PLXDC2: variants seen among roughly 807,000 people sequenced by gnomAD.
PLXDC2 encodes the protein plexin domain-containing protein 2.
In PLXDC2, 40 loss-of-function variants were observed where a neutral mutation model predicts 68.9. The ratio of observed to expected loss-of-function variants is 0.58; its 90% confidence interval spans 0.45 to 0.76. PLXDC2 has a LOEUF of 0.76. Ranked by LOEUF, PLXDC2 falls within the 30% of genes least tolerant of loss-of-function variation. The probability of loss-of-function intolerance (pLI) is 0.00; values close to 1 mark genes in which losing one functional copy is unlikely to be tolerated. For missense variants in PLXDC2, 644 were observed against 661.9 expected, an observed-to-expected ratio of 0.97 and a Z score of 0.30; for synonymous variants, 243 against 234.2, an observed-to-expected ratio of 1.04 and a Z score of -0.34.
intron 1 of PLXDC2, among the ~76,000 whole-genome samples, chr10:19,910,168 TTATATA>T (rs3043811): frequency 0.32 from 46,364 of 145,090 alleles, 7,769 homozygotes; most frequent in African/African-American, 0.44. Context: ...TTGTACACTT[TTATATA>T]TATATATATA....
chr10:20,163,131 T>C (rs565588989), intron 6 of PLXDC2, among the ~76,000 whole-genome samples: 2 of 152,262 alleles, frequency 1.3e-5, no homozygotes, highest in Non-Finnish European at 2.9e-5. Context: ...TTTGTGTGTT[T>C]CTGTTATCCA....
chr10:20,219,980 A>T (rs1221205914), intron 12 of PLXDC2, among the ~76,000 whole-genome samples: 1 of 152,196 alleles, frequency 6.6e-6, no homozygotes, highest in Admixed American at 6.5e-5. Context: ...AGCTTAGGTT[A>T]AGTAGCTAGT....
At position 20,045,320 on chromosome 10, in the gene PLXDC2, G is replaced by A. The variant is rs182970126; in HGVS notation, c.325-1549G>A. ...CAAGTAGCTGGGATTACAAGCACCCGCCACTGCACCCGGCTAATTTTTGTA... is the reference window on the plus strand; with the variant it reads ...CAAGTAGCTGGGATTACAAGCACCCACCACTGCACCCGGCTAATTTTTGTA... On this transcript the variant is annotated intron_variant, in intron 2 of 13. Transcript: ENST00000377252. 2.1e-3 allele frequency among the ~76,000 whole-genome samples: 324 copies of A among 152,138 alleles called. 1 individual carries two copies. The highest frequency in any genetic ancestry group is 2.9e-3 in the Non-Finnish European group (198 of 67,982).
At chr10:20,261,310 T>A in intron 13 of PLXDC2, among the ~76,000 whole-genome samples, 1 of 152,204 alleles carries the variant, frequency 6.6e-6, no homozygotes, top group East Asian at 1.9e-4. Context: ...TTCTAGGAAT[T>A]TGATGGCTTC....
chr10:20,125,618 G>C (rs115348050), intron 4 of PLXDC2, among the ~76,000 whole-genome samples: 70 of 152,292 alleles, frequency 4.6e-4, no homozygotes, highest in Non-Finnish European at 9.3e-4. Flanking sequence ...AGAGCAAAGA[G>C]AGGAATCAAT....
chr10:20,040,059 G>T (rs917499527), intron 2 of PLXDC2, among the ~76,000 whole-genome samples: 1 of 152,114 alleles, frequency 6.6e-6, no homozygotes, highest in South Asian at 2.1e-4. Context: ...TGGGGTGGGA[G>T]GTCAGTCATG....
chr10:20,109,891 G>A (rs924593607), intron 4 of PLXDC2, among the ~76,000 whole-genome samples: 14 of 152,090 alleles, frequency 9.2e-5, no homozygotes, highest in African/African-American at 3.1e-4. Context: ...CTTGCTAAAC[G>A]GAGGAATAAA....
At chr10:19,866,880 T>G (rs1287747682) in intron 1 of PLXDC2, among the ~76,000 whole-genome samples, 1 of 152,112 alleles carries the variant, frequency 6.6e-6, no homozygotes, top group Non-Finnish European at 1.5e-5. Context: ...TTACAGGTCA[T>G]TGGTAAGTTT....
chr10:20,111,855 T>C (rs2131748717), intron 4 of PLXDC2, among the ~76,000 whole-genome samples: 1 of 152,326 alleles, frequency 6.6e-6, no homozygotes, highest in Non-Finnish European at 1.5e-5. Flanking sequence ...TTAACAGTTT[T>C]TTAACTAAAT....
chr10:20,197,625 G>A (rs933544388), intron 9 of PLXDC2, among the ~76,000 whole-genome samples: 4 of 151,906 alleles, frequency 2.6e-5, no homozygotes, highest in Admixed American at 2.6e-4. Flanking sequence ...CAAAGTGCTG[G>A]GATTAGAGGC....
At chr10:19,973,321 T>TGTATACATATATATGTGA (rs1834391223) in intron 1 of PLXDC2, among the ~76,000 whole-genome samples, 1 of 143,336 alleles carries the variant, frequency 7.0e-6, no homozygotes, top group African/African-American at 2.5e-5. Context: ...CACATATATA[T>TGTATACATATATATGTGA]GTATACATAT....
intron 13 of PLXDC2, among the ~76,000 whole-genome samples, chr10:20,247,902 A>G (rs1338568327): frequency 6.6e-6 from 1 of 152,232 alleles, no homozygotes; most frequent in East Asian, 1.9e-4. Flanking sequence ...TTGAGATATT[A>G]TCACGCATTG....
chr10:20,072,523 GAAAGAAAGAAAGAAAGAAAGA>G (rs1456792200), intron 4 of PLXDC2, among the ~76,000 whole-genome samples: 18 of 102,538 alleles, frequency 1.8e-4, no homozygotes, highest in African/African-American at 1.3e-3. Flanking sequence ...AAGAAAGAAA[GAAAGAAAGAAAGAAAGAAAGA>G]AAGAAAGAAA....
At chr10:19,999,044 T>G (rs1385629509) in intron 1 of PLXDC2, among the ~76,000 whole-genome samples, 3 of 152,158 alleles carry the variant, frequency 2.0e-5, no homozygotes, top group Non-Finnish European at 2.9e-5. Flanking sequence ...TTGGAGCTCC[T>G]TTTCATTTGT....
chr10:19,874,826 C>G (rs115497785), intron 1 of PLXDC2, among the ~76,000 whole-genome samples: 38 of 151,996 alleles, frequency 2.5e-4, no homozygotes, highest in African/African-American at 8.5e-4. Context: ...CTAGGGGACC[C>G]GGGGGATATC....
At chr10:19,861,360 A>G (rs1183003592) in intron 1 of PLXDC2, among the ~76,000 whole-genome samples, 2 of 151,696 alleles carry the variant, frequency 1.3e-5, no homozygotes, top group Non-Finnish European at 2.9e-5. Context: ...TTTTGCAGTA[A>G]CCTCTTGGCC....
At chr10:19,817,569 A>C (rs1298636033) in intron 1 of PLXDC2, among the ~76,000 whole-genome samples, 1 of 152,090 alleles carries the variant, frequency 6.6e-6, no homozygotes, top group African/African-American at 2.4e-5. Context: ...TGCTGGTTAA[A>C]CTAAGCGTGT....
rs117494057 is a variant in PLXDC2 at position 19,958,141 on chromosome 10, T to C, written c.113-43634T>C. ...AAATGAAAATTGTTGTTTCTATGTA[T>C]ATTGCTGGTGTTTCACGTAGAGAAG... On this transcript the variant is annotated intron_variant, in intron 1 of 13. Coordinates refer to ENST00000377252, the MANE Select transcript of PLXDC2 (RefSeq NM_032812.9). Among the ~76,000 whole-genome samples the C allele has an allele frequency of 2.8e-4, 42 of 152,162 alleles. No homozygotes were observed. In the East Asian group the frequency reaches 7.7e-3, roughly 28 times the overall value.
chr10:20,136,305 T>A (rs893360938), intron 4 of PLXDC2, among the ~76,000 whole-genome samples: 1 of 152,208 alleles, frequency 6.6e-6, no homozygotes, highest in Non-Finnish European at 1.5e-5. Flanking sequence ...AACTTTTAAT[T>A]TTCAGATTAT....
Sources: allele counts gnomAD v4.1 joint callset (sites outside exome capture counted in the v4.1 genomes callset), GRCh38; gene constraint gnomAD v4.1.1; transcripts MANE v1.5; gene names NCBI Gene and HGNC (gene_info 2026-07-23, HGNC 2026-07-21).